The following SOX11 variants were observed in gnomAD, a reference collection of about 807,000 sequenced individuals.
SOX11 encodes transcription factor SOX-11.
SOX11 carries 5 observed loss-of-function variants against 16.7 expected under a neutral mutation model. The observed-to-expected ratio is 0.30, with a 90% CI of 0.16 to 0.63. The LOEUF (loss-of-function observed/expected upper bound fraction) is 0.63, where lower values mean the gene tolerates loss of function less well. Ranked by LOEUF, SOX11 falls within the 20% of genes least tolerant of loss-of-function variation. The pLI, the probability that SOX11 is intolerant of heterozygous loss-of-function variation, is 0.82. For missense variants in SOX11, 492 were observed against 641.5 expected (o/e 0.77, Z 2.52); for synonymous variants, 363 against 298.8 (o/e 1.21, Z -2.22).
rs1665668462 is a variant in SOX11 at position 5,693,269 on chromosome 2, G to A, written c.548G>A (p.Gly183Asp). 2.2e-6 allele frequency: 3 copies of A among 1,388,908 alleles called. No individual in the cohort carries two copies. The highest frequency in any genetic ancestry group is 2.8e-6 in the Non-Finnish European group (3 of 1,083,692). 86.0% of individuals were successfully genotyped at this position (1,388,908 alleles called of 1,614,324 possible). ...GCCGCGGGCGCCAAGGCGGGCGCGGGCAAGGCGGCCCAGTCCGGGGACTAC... is the reference window on the plus strand; with the variant it reads ...GCCGCGGGCGCCAAGGCGGGCGCGGACAAGGCGGCCCAGTCCGGGGACTAC... ...PAAAGAKAGA[G>D]KAAQSGDYGG... is the part of the protein sequence containing the mutation. The change falls in exon 1 of 1, where the codon GGC becomes GAC. Residue 183 changes from glycine (G) to aspartate (D), a missense_variant. Around this residue, in one of 4 missense-constraint regions of SOX11, gnomAD observed 389 missense variants for 389.0 expected, o/e 1.00. Coordinates refer to ENST00000322002, the MANE Select transcript of SOX11 (RefSeq NM_003108.4). The surrounding 1 kb of genome is among the most constrained non-coding windows in gnomAD (Gnocchi z 8.6).
chr2:5,695,203 T>C lies in SOX11; in HGVS notation c.*1156T>C, dbSNP rs561416160. ...CCTTGCATCTAAAGGCCTTGTGGTT[T>C]AAAAAAAAAAAGCAAACTTTTTTTT... is the stretch of plus-strand genomic sequence containing the variant. On this transcript the variant is annotated 3_prime_UTR_variant, in exon 1 of 1. Transcript: ENST00000322002. 6.4e-6 allele frequency: 1 copy of C among 155,372 alleles called. No homozygotes were observed. The highest frequency in any genetic ancestry group is 2.0e-4 in the East Asian group (1 of 5,028). 9.6% of individuals were successfully genotyped at this position (155,372 alleles called of 1,614,324 possible). A position where few individuals can be genotyped will look rare whatever the true frequency, so the allele number is the denominator to read the frequency against.
Position 5,693,349 on chromosome 2 carries a change from G to C in SOX11, c.628G>C (p.Gly210Arg), listed in dbSNP as rs748010810. Residue 210 changes from glycine (G) to arginine (R), a missense_variant, in exon 1 of 1, where the codon GGC becomes CGC. Around this residue, in one of 4 missense-constraint regions of SOX11, gnomAD observed 389 missense variants for 389.0 expected, o/e 1.00. Transcript: ENST00000322002. The surrounding 1 kb of genome is among the most constrained non-coding windows in gnomAD (Gnocchi z 8.6). ...CAGCCTGCGCGTGAGCGGCTCGGGCGGCGGCGGCGCGGGCAAGACGGTCAA... is the reference window on the plus strand; with the variant it reads ...CAGCCTGCGCGTGAGCGGCTCGGGCCGCGGCGGCGCGGGCAAGACGGTCAA... ...LGSLRVSGSG[G>R]GGAGKTVKCV... 1 of 1,591,428 alleles carries C rather than the reference G, an allele frequency of 6.3e-7. No individual in the cohort carries two copies. The highest frequency in any genetic ancestry group is 8.5e-7 in the Non-Finnish European group (1 of 1,177,502).
In SOX11 at chr2:5,692,830, A is replaced by T; in HGVS notation, c.109A>T (p.Ser37Cys). ...TTGCAGCCCGGTGGCCCTGGACGAG[A>T]GCGACCCAGACTGGTGCAAGACGGC... ...MACSPVALDE[S>C]DPDWCKTASG... is the part of the protein sequence containing the mutation. The change falls in exon 1 of 1, where the codon AGC becomes TGC. Residue 37 changes from serine to cysteine, a missense_variant. Ser to Cys is a moderately radical substitution (Grantham distance 112). This residue lies in a region of SOX11 where 44 missense variants were observed against 48.5 expected (regional missense o/e 0.91). Coordinates refer to ENST00000322002, the MANE Select transcript of SOX11 (RefSeq NM_003108.4). The T allele has an allele frequency of 6.2e-7, 1 of 1,613,386 alleles. No homozygotes were observed. Among genetic ancestry groups the T allele is most frequent in the Non-Finnish European group, 8.5e-7 (1 of 1,179,748 alleles).
rs1462508446 is a variant in SOX11, at chr2:5,701,076, C to T, written c.*7029C>T. ...AATGCATGGCAAAGTTTCGTCTTCTCGTAGACTATCTAGCATGCAGAGTGT... is the reference window on the plus strand; with the variant it reads ...AATGCATGGCAAAGTTTCGTCTTCTTGTAGACTATCTAGCATGCAGAGTGT... On this transcript the variant is annotated 3_prime_UTR_variant, in exon 1 of 1. Coordinates refer to ENST00000322002, the MANE Select transcript of SOX11 (RefSeq NM_003108.4). 9.0e-5 allele frequency: 15 copies of T among 166,906 alleles called. No individual in the cohort carries two copies. The highest frequency in any genetic ancestry group is 2.4e-5 in the African/African-American group (1 of 41,392). The allele number at this position is 166,906 out of a possible 1,614,324, so 10.3% of individuals were successfully genotyped here.
rs1665781809 is a variant in SOX11, at chr2:5,698,515, T to C, written c.*4468T>C. ...AATTCTTTAAACTGTGGAAGTAATT[T>C]CCAGTTCTTACACTCTGATACGCAT... On this transcript the variant is annotated 3_prime_UTR_variant, in exon 1 of 1. Transcript: ENST00000322002. 1 of 166,642 alleles carries C rather than the reference T, an allele frequency of 6.0e-6. No individual in the cohort carries two copies. The highest frequency in any genetic ancestry group is 6.6e-5 in the Admixed American group (1 of 15,234). 10.3% of individuals were successfully genotyped at this position (166,642 alleles called of 1,614,324 possible).
rs1665776397 is a variant in SOX11 at position 5,698,253 on chromosome 2, T to G, written c.*4206T>G. On this transcript the variant is annotated 3_prime_UTR_variant, in exon 1 of 1. Transcript: ENST00000322002. ...TACACATGGTATTCTTGCCACTGGA[T>G]AGTCTTCAATAAAAGTTTAATTGAT... 1 of 167,126 alleles carries G rather than the reference T, an allele frequency of 6.0e-6. No homozygotes were observed. Among genetic ancestry groups the G allele is most frequent in the Non-Finnish European group, 1.5e-5 (1 of 68,130 alleles). The allele number at this position is 167,126 out of a possible 1,614,324, so 10.4% of individuals were successfully genotyped here. A position where few individuals can be genotyped will look rare whatever the true frequency, so the allele number is the denominator to read the frequency against.
rs905478449 is a variant in SOX11, at chr2:5,696,213, G to C, written c.*2166G>C. The C allele has an allele frequency of 6.0e-6, 1 of 167,424 alleles. No individual in the cohort carries two copies. Among genetic ancestry groups the C allele is most frequent in the Admixed American group, 6.5e-5 (1 of 15,304 alleles). 10.4% of individuals were successfully genotyped at this position (167,424 alleles called of 1,614,324 possible). On this transcript the variant is annotated 3_prime_UTR_variant, in exon 1 of 1. Transcript: ENST00000322002. ...GCTGCATCTTCGCGTGTGCTCAGAG[G>C]TGGTTGTTGGCGGAGAACGCCGCCG... is the stretch of plus-strand genomic sequence containing the variant.
In SOX11 at chr2:5,692,920, A is replaced by G. The variant is rs1284756290; in HGVS notation, c.199A>G (p.Ile67Val). 2.5e-5 allele frequency: 41 copies of G among 1,614,100 alleles called. No individual in the cohort carries two copies. Among genetic ancestry groups the G allele is most frequent in the Non-Finnish European group, 3.5e-5 (41 of 1,180,004 alleles). The change falls in exon 1 of 1, where the codon ATC becomes GTC. Residue 67 changes from isoleucine to valine, a missense_variant. Physicochemically the swap from Ile to Val is conservative, Grantham distance 29. Around this residue, in one of 4 missense-constraint regions of SOX11, gnomAD observed 28 missense variants for 125.6 expected, o/e 0.22. Coordinates refer to ENST00000322002, the MANE Select transcript of SOX11 (RefSeq NM_003108.4). ...ATGGTCCAAGATCGAACGCAGGAAGATCATGGAGCAGTCTCCGGACATGCA... is the reference window on the plus strand; with the variant it reads ...ATGGTCCAAGATCGAACGCAGGAAGGTCATGGAGCAGTCTCCGGACATGCA... ...MVWSKIERRK[I>V]MEQSPDMHNA...
At position 5,699,004 on chromosome 2, in the gene SOX11, T is replaced by A. The variant is rs1245011157; in HGVS notation, c.*4957T>A. The A allele has an allele frequency of 1.2e-5, 2 of 166,994 alleles. No homozygotes were observed. Among genetic ancestry groups the A allele is most frequent in the South Asian group, 2.1e-4 (1 of 4,828 alleles). 10.3% of individuals were successfully genotyped at this position (166,994 alleles called of 1,614,324 possible). On this transcript the variant is annotated 3_prime_UTR_variant, in exon 1 of 1. Transcript: ENST00000322002. ...ATAAATATATTATATCAATCTTAAC[T>A]TTTTTATTCTCTGATATGATTAATA...
rs1486725839 is a variant in SOX11, at chr2:5,696,998, C to G, written c.*2951C>G. On this transcript the variant is annotated 3_prime_UTR_variant, in exon 1 of 1. Coordinates refer to ENST00000322002, the MANE Select transcript of SOX11 (RefSeq NM_003108.4). Reference sequence around the variant, plus strand: ...GAACCCCGTTTGCCTGTCCACACCCCCTCGCTCCCCACCATTTTTCCTGAC... The same window carrying G: ...GAACCCCGTTTGCCTGTCCACACCCGCTCGCTCCCCACCATTTTTCCTGAC... 6.4e-6 allele frequency: 1 copy of G among 155,782 alleles called. No homozygotes were observed. The highest frequency in any genetic ancestry group is 1.5e-5 in the Non-Finnish European group (1 of 68,180). The allele number at this position is 155,782 out of a possible 1,614,324, so 9.6% of individuals were successfully genotyped here.
Position 5,698,031 on chromosome 2 carries a change from T to C in SOX11, c.*3984T>C, listed in dbSNP as rs1375239541. The C allele has an allele frequency of 1.6e-5, 1 of 64,198 alleles. No homozygotes were observed. The highest frequency in any genetic ancestry group is 8.4e-5 in the African/African-American group (1 of 11,894). 4.0% of individuals were successfully genotyped at this position (64,198 alleles called of 1,614,324 possible). A position where few individuals can be genotyped will look rare whatever the true frequency, so the allele number is the denominator to read the frequency against. On this transcript the variant is annotated 3_prime_UTR_variant, in exon 1 of 1. Coordinates refer to ENST00000322002, the MANE Select transcript of SOX11 (RefSeq NM_003108.4). The stretch of plus-strand genomic sequence containing the variant: ...CAGAATGGGAAGAGATAGTCAAGAT[T>C]TTTTTTTTTTAAAGCCATGTGGCCT...
At position 5,693,472 on chromosome 2, in the gene SOX11, C is replaced by A. The variant is rs1429550919; in HGVS notation, c.751C>A (p.Pro251Thr). ...QEPDEEDEEPPHQQLLQPPGQ... is the reference protein window; with the variant it reads ...QEPDEEDEEPTHQQLLQPPGQ... ...GCCGGACGAGGAGGACGAGGAACCA[C>A]CGCACCAGCAGCTCCTGCAGCCGCC... The change falls in exon 1 of 1, where the codon CCG (proline) becomes ACG (threonine). Residue 251 changes from proline to threonine, a missense_variant. By Grantham distance (38) the Pro-to-Thr change is conservative. Around this residue, in one of 4 missense-constraint regions of SOX11, gnomAD observed 389 missense variants for 389.0 expected, o/e 1.00. Coordinates refer to ENST00000322002, the MANE Select transcript of SOX11 (RefSeq NM_003108.4). This position sits in a 1 kb window ranked among gnomAD's most constrained non-coding sequence, Gnocchi z 8.6. 1 of 1,587,956 alleles carries A rather than the reference C, an allele frequency of 6.3e-7. No individual in the cohort carries two copies. Among genetic ancestry groups the A allele is most frequent in the Non-Finnish European group, 8.5e-7 (1 of 1,175,006 alleles).
At position 5,693,777 on chromosome 2, in the gene SOX11, C is replaced by A; in HGVS notation, c.1056C>A (p.Gly352=). ...SSSSSSGSSS[G]SSGEDADDLM... ...CCAGCAGCAGCGGCAGCAGCAGCGGCAGCAGCGGCGAGGACGCCGACGACC... is the reference window on the plus strand; with the variant it reads ...CCAGCAGCAGCGGCAGCAGCAGCGGAAGCAGCGGCGAGGACGCCGACGACC... Residue 352 remains glycine (G), a synonymous_variant, in exon 1 of 1, where the codon GGC becomes GGA. Transcript: ENST00000322002. This position sits in a 1 kb window ranked among gnomAD's most constrained non-coding sequence, Gnocchi z 8.6. The A allele has an allele frequency of 6.4e-7, 1 of 1,570,920 alleles. No homozygotes were observed. Among genetic ancestry groups the A allele is most frequent in the Non-Finnish European group, 8.6e-7 (1 of 1,159,584 alleles).
In SOX11 at chr2:5,701,350, CA is replaced by C. The variant is rs1252488769; in HGVS notation, c.*7307del. The C allele has an allele frequency of 6.0e-6, 1 of 166,970 alleles. No homozygotes were observed. Among genetic ancestry groups the C allele is most frequent in the African/African-American group, 2.4e-5 (1 of 41,404 alleles). 10.3% of individuals were successfully genotyped at this position (166,970 alleles called of 1,614,324 possible). A position where few individuals can be genotyped will look rare whatever the true frequency, so the allele number is the denominator to read the frequency against. On this transcript the variant is annotated 3_prime_UTR_variant, in exon 1 of 1. Coordinates refer to ENST00000322002, the MANE Select transcript of SOX11 (RefSeq NM_003108.4). ...TTTTTCACAGAGGATTACATTTGTT[CA>C]AAAGACTCTAATAAAATTGTGTGAT...
rs1359108910 is a variant in SOX11 at position 5,692,961 on chromosome 2, C to T, written c.240C>T (p.Ser80=). The change falls in exon 1 of 1, where the codon TCC becomes TCT. Residue 80 remains serine (S), a synonymous_variant. Coordinates refer to ENST00000322002, the MANE Select transcript of SOX11 (RefSeq NM_003108.4). ...CGGACATGCACAACGCCGAGATCTC[C>T]AAGAGGCTGGGCAAGCGCTGGAAAA... ...QSPDMHNAEI[S]KRLGKRWKML... is the part of the protein sequence containing the mutation. The T allele has an allele frequency of 1.2e-6, 2 of 1,614,052 alleles. No homozygotes were observed. The highest frequency in any genetic ancestry group is 2.7e-5 in the African/African-American group (2 of 74,938).
chr2:5,697,120 G>T lies in SOX11; in HGVS notation c.*3073G>T, dbSNP rs567995617. On this transcript the variant is annotated 3_prime_UTR_variant, in exon 1 of 1. Transcript: ENST00000322002. The stretch of plus-strand genomic sequence containing the variant: ...CCCGCCCCCCTTCCGAGCATCCGCC[G>T]CCTCTTTTCTGCTGGGTCTGGGAGG... 18 of 162,618 alleles carry T rather than the reference G, an allele frequency of 1.1e-4. No homozygotes were observed. In the East Asian group the frequency reaches 3.0e-3, roughly 27 times the overall value. The allele number at this position is 162,618 out of a possible 1,614,324, so 10.1% of individuals were successfully genotyped here.
rs1175141588 is a variant in SOX11 at position 5,692,856 on chromosome 2, G to T, written c.135G>T (p.Ala45=). Residue 45 remains alanine (A), a synonymous_variant, in exon 1 of 1, where the codon GCG becomes GCT. Transcript: ENST00000322002. ...DESDPDWCKT[A]SGHIKRPMNA... The stretch of plus-strand genomic sequence containing the variant: ...GCGACCCAGACTGGTGCAAGACGGC[G>T]TCGGGCCACATCAAGCGGCCGATGA... 6.2e-7 allele frequency: 1 copy of T among 1,613,880 alleles called. No individual in the cohort carries two copies. Among genetic ancestry groups the T allele is most frequent in the South Asian group, 1.1e-5 (1 of 91,014 alleles).
In SOX11 at chr2:5,694,312, T is replaced by C; in HGVS notation, c.*265T>C. 2.1e-6 allele frequency: 1 copy of C among 477,170 alleles called. No individual in the cohort carries two copies. Among genetic ancestry groups the C allele is most frequent in the East Asian group, 3.4e-5 (1 of 29,596 alleles). 29.6% of individuals were successfully genotyped at this position (477,170 alleles called of 1,614,324 possible). A position where few individuals can be genotyped will look rare whatever the true frequency, so the allele number is the denominator to read the frequency against. On this transcript the variant is annotated 3_prime_UTR_variant, in exon 1 of 1. Transcript: ENST00000322002. ...AAACATTTTTCCTGTCCTTTTTTTG[T>C]CCCCCCTCCCTTCCTTTATCGTGTC... is the stretch of plus-strand genomic sequence containing the variant.
Position 5,693,508 on chromosome 2 carries a change from C to A in SOX11, c.787C>A (p.Pro263Thr), listed in dbSNP as rs745675837. 4.4e-6 allele frequency: 7 copies of A among 1,576,786 alleles called. No individual in the cohort carries two copies. The highest frequency in any genetic ancestry group is 1.7e-4 in the Middle Eastern group (1 of 5,952). ...GCTCCTGCAGCCGCCGGGGCAGCAG[C>A]CGTCGCAGCTGCTGAGACGCTACAA... ...QQLLQPPGQQ[P>T]SQLLRRYNVA... The change falls in exon 1 of 1, where the codon CCG becomes ACG. Residue 263 changes from proline (P) to threonine (T), a missense_variant. Pro to Thr is a conservative substitution (Grantham distance 38). Coordinates refer to ENST00000322002, the MANE Select transcript of SOX11 (RefSeq NM_003108.4). This position sits in a 1 kb window ranked among gnomAD's most constrained non-coding sequence, Gnocchi z 8.6.
Sources: gnomAD v4.1 joint callset for allele counts on GRCh38, gnomAD v4.1.1 for gene constraint, gnomAD v4.1.1 regional missense constraint, Gnocchi (gnomAD v3.1) non-coding constraint, MANE v1.5 for transcripts, NCBI Gene and HGNC (gene_info 2026-07-23, HGNC 2026-07-21) for gene names.